HTR5A: variants seen among roughly 807,000 people sequenced by gnomAD.
HTR5A encodes the protein 5-hydroxytryptamine receptor 5A, also known as 5-HT-5.
In HTR5A, 21 loss-of-function variants were observed where a neutral mutation model predicts 24.3. That is an observed-to-expected ratio of 0.86 (90% CI 0.61 to 1.24). The LOEUF (loss-of-function observed/expected upper bound fraction) is 1.24, where lower values mean the gene tolerates loss of function less well. Ranked by LOEUF, HTR5A falls within the 50% of genes most tolerant of loss-of-function variation. The pLI, the probability that HTR5A is intolerant of heterozygous loss-of-function variation, is 0.00. For missense variants in HTR5A, 497 were observed against 489.5 expected, an observed-to-expected ratio of 1.02 and a Z score of -0.15; for synonymous variants, 260 against 213.7, an observed-to-expected ratio of 1.22 and a Z score of -1.89.
At position 155,071,321 on chromosome 7, in the gene HTR5A, G is replaced by T. The variant is rs752778192; in HGVS notation, c.422G>T (p.Trp141Leu). Residue 141 changes from tryptophan to leucine, a missense_variant, in exon 1 of 2, where the codon TGG (tryptophan) becomes TTG (leucine). Physicochemically the swap from Trp to Leu is moderately conservative, Grantham distance 61 (BLOSUM62 -2). Transcript: ENST00000287907. ...ACGGCCATAGCCCTGGACCGCTACT[G>T]GTCCATCACGCGCCACATGGAATAC... ...NVTAIALDRYWSITRHMEYTL... is the reference protein window; with the variant it reads ...NVTAIALDRYLSITRHMEYTL... The T allele has an allele frequency of 6.2e-7, 1 of 1,612,316 alleles. No homozygotes were observed. Among genetic ancestry groups the T allele is most frequent in the South Asian group, 1.1e-5 (1 of 91,086 alleles).
intron 1 of HTR5A, among the ~76,000 whole-genome samples, chr7:155,077,722 C>T (rs1795373978): frequency 1.3e-5 from 2 of 152,304 alleles, no homozygotes; most frequent in South Asian, 4.2e-4. Context: ...ACCTCAGCCT[C>T]CCAAAGTGCT....
At chr7:155,076,786 G>A (rs1038738060) in intron 1 of HTR5A, among the ~76,000 whole-genome samples, 1 of 152,068 alleles carries the variant, frequency 6.6e-6, no homozygotes. Context: ...TATTACATGT[G>A]GTATATAAGA....
intron 1 of HTR5A, among the ~76,000 whole-genome samples, chr7:155,080,478 G>C (rs1390340885): frequency 6.6e-6 from 1 of 152,154 alleles, no homozygotes; most frequent in Non-Finnish European, 1.5e-5. Context: ...TTGAGTTTGG[G>C]GCCCAGTGAA....
At chr7:155,071,901 G>A (rs767928840) in intron 1 of HTR5A, among the ~76,000 whole-genome samples, 3 of 152,150 alleles carry the variant, frequency 2.0e-5, no homozygotes, top group African/African-American at 4.8e-5. Flanking sequence ...TTCAGACTGC[G>A]TCATTCTGCA....
At position 155,071,496 on chromosome 7, in the gene HTR5A, C is replaced by G. The variant is rs1199071749; in HGVS notation, c.597C>G (p.Ser199=). The G allele has an allele frequency of 6.2e-7, 1 of 1,614,194 alleles. No homozygotes were observed. The highest frequency in any genetic ancestry group is 8.5e-7 in the Non-Finnish European group (1 of 1,180,030). ...AGTGCCAGGTAAGCCGCGAGCCTTC[C>G]TACGCCGTGTTCTCCACCGTAGGCG... ...SEECQVSREP[S]YAVFSTVGAF... is the part of the protein sequence containing the mutation. Residue 199 remains serine (S), a synonymous_variant, in exon 1 of 2, where the codon TCC becomes TCG. Coordinates refer to ENST00000287907, the MANE Select transcript of HTR5A (RefSeq NM_024012.4).
intron 1 of HTR5A, among the ~76,000 whole-genome samples, chr7:155,081,155 G>T (rs1453951749): frequency 6.6e-6 from 1 of 152,060 alleles, no homozygotes; most frequent in Non-Finnish European, 1.5e-5. Context: ...CATTTTTATT[G>T]TTCCATTGAG....
intron 1 of HTR5A, among the ~76,000 whole-genome samples, chr7:155,078,162 A>G (rs891282520): frequency 1.3e-5 from 2 of 152,182 alleles, no homozygotes; most frequent in Non-Finnish European, 2.9e-5. Context: ...TTGAGAACAG[A>G]GGCCCTTTTG....
Position 155,071,505 on chromosome 7 carries a change from G to A in HTR5A, c.606G>A (p.Val202=). Residue 202 remains valine, a synonymous_variant, in exon 1 of 2, where the codon GTG becomes GTA. Transcript: ENST00000287907. ...CQVSREPSYA[V]FSTVGAFYLP... is the part of the protein sequence containing the mutation. ...TAAGCCGCGAGCCTTCCTACGCCGT[G>A]TTCTCCACCGTAGGCGCCTTCTACC... 6.2e-7 allele frequency: 1 copy of A among 1,614,184 alleles called. No individual in the cohort carries two copies. Among genetic ancestry groups the A allele is most frequent in the Non-Finnish European group, 8.5e-7 (1 of 1,180,048 alleles).
At chr7:155,079,199 C>A (rs572140573) in intron 1 of HTR5A, among the ~76,000 whole-genome samples, 1 of 152,024 alleles carries the variant, frequency 6.6e-6, no homozygotes, top group Non-Finnish European at 1.5e-5. Flanking sequence ...ATGATTTTCC[C>A]ACCTTGGCCT....
chr7:155,079,359 T>C (rs1269918604), intron 1 of HTR5A, among the ~76,000 whole-genome samples: 1 of 152,218 alleles, frequency 6.6e-6, no homozygotes, highest in Non-Finnish European at 1.5e-5. Context: ...GTGTTTTTCC[T>C]GAGAAAACCC....
Position 155,084,550 on chromosome 7 carries a change from A to T in HTR5A, c.*63A>T, listed in dbSNP as rs915285692. ...ATTCAGTGGAATTCCCAGTTCATCC[A>T]TTTCCCATCCCCACCCAACAGCCAT... On this transcript the variant is annotated 3_prime_UTR_variant, in exon 2 of 2. Transcript: ENST00000287907. The T allele has an allele frequency of 4.4e-6, 6 of 1,353,096 alleles. No homozygotes were observed. The African/African-American group carries it at 8.7e-5, about 20-fold the overall frequency. The allele number at this position is 1,353,096 out of a possible 1,614,324, so 83.8% of individuals were successfully genotyped here.
At chr7:155,073,549 G>A (rs1585119660) in intron 1 of HTR5A, among the ~76,000 whole-genome samples, 1 of 151,966 alleles carries the variant, frequency 6.6e-6, no homozygotes, top group Non-Finnish European at 1.5e-5. Flanking sequence ...CAAACTACCT[G>A]AAGTGAGGTT....
In HTR5A at chr7:155,070,741, C is replaced by A; in HGVS notation, c.-159C>A. ...CCACACCATCTCCAACGGATGCTCA[C>A]TAGCAGGAAATTGGGGCCAAATTCA... On this transcript the variant is annotated 5_prime_UTR_variant, in exon 1 of 2. Coordinates refer to ENST00000287907, the MANE Select transcript of HTR5A (RefSeq NM_024012.4). 1.3e-6 allele frequency: 1 copy of A among 764,710 alleles called. No homozygotes were observed. Among genetic ancestry groups the A allele is most frequent in the Non-Finnish European group, 2.1e-6 (1 of 466,376 alleles). 47.4% of individuals were successfully genotyped at this position (764,710 alleles called of 1,614,324 possible).
chr7:155,079,867 A>G (rs1428581505), intron 1 of HTR5A, among the ~76,000 whole-genome samples: 1 of 152,204 alleles, frequency 6.6e-6, no homozygotes, highest in African/African-American at 2.4e-5. Flanking sequence ...CTGGAAAACA[A>G]CAGGACAAAG....
rs993384337 is a variant in HTR5A at position 155,086,279 on chromosome 7, A to G, written c.*1792A>G. Among the ~76,000 whole-genome samples the G allele has an allele frequency of 3.3e-5, 5 of 152,262 alleles. No individual in the cohort carries two copies. Among genetic ancestry groups the G allele is most frequent in the African/African-American group, 1.2e-4 (5 of 41,474 alleles). ...GACATGAGGAGTCTGGAGAGGTAAC[A>G]CTAGAATCAAGGGTAAACGCTTAAG... On this transcript the variant is annotated 3_prime_UTR_variant, in exon 2 of 2. Coordinates refer to ENST00000287907, the MANE Select transcript of HTR5A (RefSeq NM_024012.4).
At chr7:155,080,869 T>C (rs1292582823) in intron 1 of HTR5A, among the ~76,000 whole-genome samples, 2 of 152,192 alleles carry the variant, frequency 1.3e-5, no homozygotes, top group Non-Finnish European at 2.9e-5. Context: ...GAATGGGGTT[T>C]TCTGTTGGAT....
At chr7:155,072,650 G>A (rs1171696995) in intron 1 of HTR5A, among the ~76,000 whole-genome samples, 1 of 152,178 alleles carries the variant, frequency 6.6e-6, no homozygotes, top group Non-Finnish European at 1.5e-5. Flanking sequence ...ATTTTCTGTT[G>A]TTGGCTCTGA....
chr7:155,079,457 T>G (rs1164063970), intron 1 of HTR5A, among the ~76,000 whole-genome samples: 5 of 152,178 alleles, frequency 3.3e-5, no homozygotes, highest in African/African-American at 7.2e-5. Flanking sequence ...GGTTACAAAA[T>G]CTTTGAGACT....
chr7:155,073,855 G>A (rs370360220), intron 1 of HTR5A, among the ~76,000 whole-genome samples: 1 of 64,926 alleles, frequency 1.5e-5, no homozygotes, highest in Non-Finnish European at 3.2e-5. Flanking sequence ...ATATACATAT[G>A]TGTGTGTGTG....
Sources: allele counts gnomAD v4.1 joint callset (sites outside exome capture counted in the v4.1 genomes callset), GRCh38; gene constraint gnomAD v4.1.1; transcripts MANE v1.5; gene names NCBI Gene and HGNC (gene_info 2026-07-23, HGNC 2026-07-21).